The following NXPE2 variants were observed in gnomAD, a reference collection of about 807,000 sequenced individuals.
NXPE2 encodes the protein NXPE family member 2.
A neutral mutation model predicts 34.4 loss-of-function variants in NXPE2; 34 were observed. The ratio of observed to expected loss-of-function variants is 0.99; its 90% CI spans 0.75 to 1.31. The LOEUF (loss-of-function observed/expected upper bound fraction) is 1.31. NXPE2 is among the 40% of genes most tolerant of loss of function. The pLI is 0.00. For missense variants in NXPE2, 649 were observed against 672.5 expected (o/e 0.97, Z 0.39); for synonymous variants, 235 against 231.3 (o/e 1.02, Z -0.15).
the NXPE2 span, among the ~76,000 whole-genome samples, chr11:114,772,299 G>A: frequency 6.6e-6 from 1 of 151,838 alleles, no homozygotes; most frequent in African/African-American, 2.4e-5. Context: ...ACACATTCGT[G>A]GTAATTAGTA....
At chr11:114,639,053 G>C in the NXPE2 span, among the ~76,000 whole-genome samples, 7 of 152,088 alleles carry the variant, frequency 4.6e-5, no homozygotes, top group Admixed American at 3.3e-4. Flanking sequence ...TTGTTTGTCT[G>C]TGCCCTGCCC....
At chr11:114,586,126 C>T in the NXPE2 span, among the ~76,000 whole-genome samples, 1 of 152,138 alleles carries the variant, frequency 6.6e-6, no homozygotes, top group Non-Finnish European at 1.5e-5. Context: ...TCAGACACTA[C>T]CTCCTCAAGC....
the NXPE2 span, among the ~76,000 whole-genome samples, chr11:114,627,760 G>C: frequency 1.4e-4 from 21 of 152,112 alleles, no homozygotes; most frequent in Admixed American, 7.9e-4. Context: ...TCAGTGTGCT[G>C]TATTCAGGAA....
At chr11:114,806,939 G>A in the NXPE2 span, among the ~76,000 whole-genome samples, 4 of 152,156 alleles carry the variant, frequency 2.6e-5, no homozygotes, top group African/African-American at 9.7e-5. Flanking sequence ...GGCAGCCAGA[G>A]AGAAAAGTCG....
chr11:114,583,043 C>T, the NXPE2 span: 1 of 1,585,262 alleles, frequency 6.3e-7, no homozygotes, highest in African/African-American at 1.3e-5. Context: ...GCAAATGTGA[C>T]ATGAGATGGA....
At chr11:114,751,349 G>C in the NXPE2 span, among the ~76,000 whole-genome samples, 1 of 152,082 alleles carries the variant, frequency 6.6e-6, no homozygotes, top group Non-Finnish European at 1.5e-5. Flanking sequence ...ATTCCACCAT[G>C]TTATTATTTA....
the NXPE2 span, among the ~76,000 whole-genome samples, chr11:114,769,253 A>C: frequency 6.6e-6 from 1 of 152,284 alleles, no homozygotes; most frequent in East Asian, 1.9e-4. Flanking sequence ...AATCAAAACC[A>C]CAATGAGATA....
chr11:114,481,928 G>A, the NXPE2 span, among the ~76,000 whole-genome samples: 1 of 152,030 alleles, frequency 6.6e-6, no homozygotes, highest in Non-Finnish European at 1.5e-5. Flanking sequence ...TAACTGTAGC[G>A]AAAGATTCAA....
At chr11:114,642,946 G>A in the NXPE2 span, among the ~76,000 whole-genome samples, 1 of 152,136 alleles carries the variant, frequency 6.6e-6, no homozygotes, top group Middle Eastern at 3.4e-3. Flanking sequence ...ACATTTTAAT[G>A]ATCGCCATTC....
At chr11:114,555,518 C>T in the NXPE2 span, among the ~76,000 whole-genome samples, 3 of 152,302 alleles carry the variant, frequency 2.0e-5, no homozygotes, top group South Asian at 6.2e-4. Flanking sequence ...AGCCACCACG[C>T]CCAGCCAAGA....
At chr11:114,808,985 C>T in the NXPE2 span, among the ~76,000 whole-genome samples, 7 of 152,262 alleles carry the variant, frequency 4.6e-5, no homozygotes, top group South Asian at 2.1e-4. Context: ...CATCAAAAAG[C>T]TTATCCACCA....
the NXPE2 span, among the ~76,000 whole-genome samples, chr11:114,623,284 G>A: frequency 6.6e-6 from 1 of 151,992 alleles, no homozygotes; most frequent in East Asian, 1.9e-4. Context: ...GGTGACAACT[G>A]TTACCCAGTG....
At chr11:114,640,455 T>A in the NXPE2 span, among the ~76,000 whole-genome samples, 1 of 151,632 alleles carries the variant, frequency 6.6e-6, no homozygotes, top group South Asian at 2.1e-4. Flanking sequence ...TGACTTCTTT[T>A]CCTCTGGGTA....
chr11:114,634,400 C>G, the NXPE2 span, among the ~76,000 whole-genome samples: 4 of 151,930 alleles, frequency 2.6e-5, no homozygotes. Flanking sequence ...AGATTTTCTC[C>G]CATTTTGTAG....
the NXPE2 span, among the ~76,000 whole-genome samples, chr11:114,720,608 G>A: frequency 7.2e-6 from 1 of 137,932 alleles, no homozygotes; most frequent in Non-Finnish European, 1.6e-5. Flanking sequence ...AGTGTAAAGT[G>A]ATCACCAGAT....
the NXPE2 span, among the ~76,000 whole-genome samples, chr11:114,549,450 T>C: frequency 4.6e-5 from 7 of 152,052 alleles, no homozygotes; most frequent in African/African-American, 1.4e-4. Flanking sequence ...TGTTCCGTTT[T>C]TAATGTAATT....
the NXPE2 span, among the ~76,000 whole-genome samples, chr11:114,503,792 G>C: frequency 6.6e-6 from 1 of 152,196 alleles, no homozygotes; most frequent in Admixed American, 6.5e-5. Context: ...GTTTGAAAAG[G>C]TCCATAGTGT....
the NXPE2 span, among the ~76,000 whole-genome samples, chr11:114,620,251 G>A: frequency 6.6e-6 from 1 of 151,944 alleles, no homozygotes; most frequent in Non-Finnish European, 1.5e-5. Flanking sequence ...AATAATTATT[G>A]CCTCGTGGGT....
At chr11:114,800,834 A>G in the NXPE2 span, among the ~76,000 whole-genome samples, 1 of 130,992 alleles carries the variant, frequency 7.6e-6, no homozygotes, top group African/African-American at 2.7e-5. Context: ...TGACTAATGC[A>G]AAAATCTTGT....
Sources: gnomAD v4.1 joint callset for allele counts (sites outside exome capture counted in the v4.1 genomes callset) on GRCh38, gnomAD v4.1.1 for gene constraint, MANE v1.5 for transcripts, NCBI Gene and HGNC (gene_info 2026-07-23, HGNC 2026-07-21) for gene names.